The following GAK variants were observed in gnomAD, a reference collection of about 807,000 sequenced individuals.
GAK encodes cyclin G associated kinase, also known as cyclin-G-associated kinase.
Under a neutral mutation model 143.9 loss-of-function variants are expected in GAK, and 79 were observed. That is an observed-to-expected ratio of 0.55 (90% CI 0.46 to 0.66). GAK has a LOEUF of 0.66. GAK is among the 30% of genes least tolerant of loss of function. The pLI, the probability that GAK is intolerant of heterozygous loss-of-function variation, is 0.00. For synonymous variants in GAK, 881 were observed against 765.5 expected (o/e 1.15, Z -2.49); for missense variants, 1,693 against 1,779.7 (o/e 0.95, Z 0.88).
intron 11 of GAK, chr4:884,375 C>T (rs984448922): frequency 2.3e-6 from 1 of 430,496 alleles, no homozygotes; most frequent in Non-Finnish European, 4.2e-6. Context: ...TTCCCCTGCG[C>T]TCTCCAGGGA....
chr4:876,728 C>T (rs1020670729), intron 17 of GAK, 119 bp from the exon 18 acceptor site: 51 of 826,468 alleles, frequency 6.2e-5, no homozygotes, highest in African/African-American at 1.5e-4. Context: ...GAGGCATGGA[C>T]GGCGCCCCCG....
chr4:917,237 A>C (rs1723211705), intron 1 of GAK, among the ~76,000 whole-genome samples: 2 of 152,210 alleles, frequency 1.3e-5, no homozygotes, highest in South Asian at 4.1e-4. Flanking sequence ...ATGCCAGGCC[A>C]AAAAAAGAGA....
chr4:899,686 C>T (rs142443105), intron 5 of GAK, among the ~76,000 whole-genome samples: 90 of 152,306 alleles, frequency 5.9e-4, no homozygotes, highest in Admixed American at 1.3e-3. Flanking sequence ...AGTGCAGAGC[C>T]GTGGCATCCA....
intron 19 of GAK, chr4:870,093 GCACA>G (rs143454668): frequency 1.3e-5 from 2 of 154,956 alleles, no homozygotes; most frequent in African/African-American, 2.4e-5. Context: ...CACCACTCGT[GCACA>G]CACACACACG....
chr4:867,498 G>A (rs1026256999), intron 20 of GAK, 66 bp from the exon 21 acceptor site: 22 of 1,218,936 alleles, frequency 1.8e-5, no homozygotes, highest in South Asian at 1.1e-4. Context: ...TCCCCACGGC[G>A]CGTCCCTTCA....
chr4:923,434 C>T (rs541640080), intron 1 of GAK, among the ~76,000 whole-genome samples: 2 of 152,182 alleles, frequency 1.3e-5, no homozygotes, highest in South Asian at 2.1e-4. Context: ...TTTGGGAGGC[C>T]GAGGTGGGAG....
Position 867,115 on chromosome 4 carries a change from AG to A in GAK, c.2712del (p.Ser905ProfsTer40). Reference protein sequence around the residue: ...PAVPPQACKAPSSNTDLLSCL... With the variant: ...PAVPPQACKAXSSNTDLLSCL... ...CAGCTGAGCAGGTCGGTGTTGCTGG[AG>A]GGGGCCTTGCAGGCCTGCGGGGGTA... On this transcript the variant is annotated frameshift_variant, in exon 21 of 28. Transcript: ENST00000314167. LOFTEE classifies it high-confidence loss of function. 6.3e-7 allele frequency: 1 copy of A among 1,577,754 alleles called. No homozygotes were observed. Among genetic ancestry groups the A allele is most frequent in the Non-Finnish European group, 8.6e-7 (1 of 1,158,946 alleles).
At chr4:911,811 A>C (rs1028627416) in intron 3 of GAK, 24 bp from the exon 4 acceptor site, 1 of 1,544,154 alleles carries the variant, frequency 6.5e-7, no homozygotes, top group African/African-American at 1.4e-5. Flanking sequence ...GTTAAAGGAG[A>C]ACGTACATAA....
At chr4:931,667 C>T (rs1725829345) in intron 1 of GAK, among the ~76,000 whole-genome samples, 1 of 152,164 alleles carries the variant, frequency 6.6e-6, no homozygotes, top group Non-Finnish European at 1.5e-5. Flanking sequence ...GGGTCCCCAC[C>T]CAAGCTCCCT....
intron 25 of GAK, 30 bp from the exon 26 acceptor site, chr4:851,114 T>G: frequency 6.2e-7 from 1 of 1,601,478 alleles, no homozygotes. Flanking sequence ...TTTTTTTGTT[T>G]GAGACAGGGT....
At chr4:851,619 TTC>T (rs552027104) in intron 25 of GAK, 129 bp downstream of exon 25, 1 of 930,358 alleles carries the variant, frequency 1.1e-6, no homozygotes, top group South Asian at 1.4e-5. Flanking sequence ...AACCGCGTCG[TTC>T]TCTGAGTGGC....
chr4:871,596 A>G (rs1712633338), intron 18 of GAK, among the ~76,000 whole-genome samples: 2 of 151,828 alleles, frequency 1.3e-5, no homozygotes, highest in South Asian at 4.2e-4. Flanking sequence ...AGCTGTGGGG[A>G]GCAGGGCAGA....
chr4:898,206 T>C (rs1411484878), intron 5 of GAK, 48 bp from the exon 6 acceptor site: 1 of 1,605,812 alleles, frequency 6.2e-7, no homozygotes. Context: ...TAGACAGAGA[T>C]GGGACTTCAG....
chr4:922,552 A>G (rs890847044), intron 1 of GAK, among the ~76,000 whole-genome samples: 1 of 149,390 alleles, frequency 6.7e-6, no homozygotes, highest in Non-Finnish European at 1.5e-5. Flanking sequence ...TCTGCAAACC[A>G]GCAAAAGAGG....
chr4:870,770 A>T lies in GAK; in HGVS notation c.2189T>A (p.Leu730Gln). 2 of 1,614,090 alleles carry T rather than the reference A, an allele frequency of 1.2e-6. No individual in the cohort carries two copies. The highest frequency in any genetic ancestry group is 1.7e-6 in the Non-Finnish European group (2 of 1,180,006). Residue 730 changes from leucine to glutamine, a missense_variant, in exon 19 of 28, where the codon CTG (leucine) becomes CAG (glutamine). By Grantham distance (113) the Leu-to-Gln change is moderately radical. This residue lies in a region of GAK where 822 missense variants were observed against 788.7 expected (regional missense o/e 1.04). Coordinates refer to ENST00000314167, the MANE Select transcript of GAK (RefSeq NM_005255.4). Reference sequence around the variant, plus strand: ...GCTGGAAAACAGGATTTTGGGGTTCAGCCCCCTCATGCTCGAGTTCTCCCA... The same window carrying T: ...GCTGGAAAACAGGATTTTGGGGTTCTGCCCCCTCATGCTCGAGTTCTCCCA... Reference protein sequence around the residue: ...PPWENSSMRGLNPKILFSSRE... With the variant: ...PPWENSSMRGQNPKILFSSRE...
rs755405163 is a variant in GAK, at chr4:876,624, A to C, written c.1975-15T>G. ...ATGGATGCCATCTGCAAAGAGAGCAAACACGACACCCCACGTGGAGGGTGA... is the reference window on the plus strand; with the variant it reads ...ATGGATGCCATCTGCAAAGAGAGCACACACGACACCCCACGTGGAGGGTGA... On this transcript the variant is annotated splice_polypyrimidine_tract_variant and intron_variant, in intron 17 of 27. Transcript: ENST00000314167. 8 of 1,611,126 alleles carry C rather than the reference A, an allele frequency of 5.0e-6. No homozygotes were observed. Among genetic ancestry groups the C allele is most frequent in the Non-Finnish European group, 6.8e-6 (8 of 1,177,454 alleles).
intron 1 of GAK, among the ~76,000 whole-genome samples, chr4:928,732 G>A (rs1010859254): frequency 6.6e-6 from 1 of 152,068 alleles, no homozygotes; most frequent in African/African-American, 2.4e-5. Flanking sequence ...TATTCACAGT[G>A]CCCTCACCCA....
At chr4:884,800 C>T (rs1434598495) in intron 11 of GAK, among the ~76,000 whole-genome samples, 1 of 152,168 alleles carries the variant, frequency 6.6e-6, no homozygotes, top group Non-Finnish European at 1.5e-5. Context: ...ACAGAGCAGG[C>T]CGGAGGCTGC....
rs1441920370 is a variant in GAK, at chr4:850,874, A to T, written c.3657+62T>A. On this transcript the variant is annotated intron_variant, in intron 26 of 27. Transcript: ENST00000314167. ...ACGCCGGCTCCATAAGGCACAGCAGATGCTCCAGGGGCCATGGGTTGAGGC... is the reference window on the plus strand; with the variant it reads ...ACGCCGGCTCCATAAGGCACAGCAGTTGCTCCAGGGGCCATGGGTTGAGGC... The T allele has an allele frequency of 3.9e-6, 6 of 1,553,184 alleles. No homozygotes were observed. The Admixed American group carries it at 1.2e-4, about 31-fold the overall frequency.
Sources: gnomAD v4.1 joint callset for allele counts (sites outside exome capture counted in the v4.1 genomes callset) on GRCh38, gnomAD v4.1.1 for gene constraint, gnomAD v4.1.1 regional missense constraint, MANE v1.5 for transcripts, NCBI Gene and HGNC (gene_info 2026-07-23, HGNC 2026-07-21) for gene names.